LMTK3: variants seen among roughly 807,000 people sequenced by gnomAD.
The protein encoded by LMTK3 is serine/threonine-protein kinase LMTK3.
A neutral mutation model predicts 116.7 loss-of-function variants in LMTK3; 27 were observed. The ratio of observed to expected loss-of-function variants is 0.23; its 90% CI spans 0.17 to 0.32. LMTK3 has a LOEUF of 0.32. Ranked by LOEUF, LMTK3 falls within the 10% of genes least tolerant of loss-of-function variation. The pLI is 1.00. For synonymous variants in LMTK3, 965 were observed against 971.0 expected, an observed-to-expected ratio of 0.99 and a Z score of 0.11; for missense variants, 1,764 against 2,068.5, an observed-to-expected ratio of 0.85 and a Z score of 2.86.
Position 48,498,968 on chromosome 19 carries a change from G to T in LMTK3, c.2101C>A (p.Pro701Thr). The change falls in exon 11 of 15, where the codon CCC becomes ACC. Residue 701 changes from proline (P) to threonine (T), a missense_variant. Pro to Thr is a conservative substitution (Grantham distance 38). Around this residue, in one of 7 missense-constraint regions of LMTK3, gnomAD observed 1,028 missense variants for 1,050.6 expected, o/e 0.98. Coordinates refer to ENST00000600059, the MANE Select transcript of LMTK3 (RefSeq NM_001388485.1). ...GWGGHPALGC[P>T]HPPEDDSSLR... ...GAGGAGTCGTCCTCGGGGGGGTGGG[G>T]GCAGCCAAGAGCAGGGTGGCCTCCC... 2 of 1,337,964 alleles carry T rather than the reference G, an allele frequency of 1.5e-6. No individual in the cohort carries two copies. Among genetic ancestry groups the T allele is most frequent in the Non-Finnish European group, 1.9e-6 (2 of 1,046,738 alleles). 82.9% of individuals were successfully genotyped at this position (1,337,964 alleles called of 1,614,324 possible). A position where few individuals can be genotyped will look rare whatever the true frequency, so the allele number is the denominator to read the frequency against.
In LMTK3 at chr19:48,502,353, C is replaced by G. The variant is rs188690981; in HGVS notation, c.794+80G>C. ...GTCAGCCAGTCATGGGTCCGCCCCCCCTCTAGCCCCTCCCCTGAGGCCTCA... is the reference window on the plus strand; with the variant it reads ...GTCAGCCAGTCATGGGTCCGCCCCCGCTCTAGCCCCTCCCCTGAGGCCTCA... On this transcript the variant is annotated intron_variant, in intron 7 of 14. Coordinates refer to ENST00000600059, the MANE Select transcript of LMTK3 (RefSeq NM_001388485.1). 1.2e-3 allele frequency: 1,839 copies of G among 1,493,536 alleles called. 33 individuals carry two copies. In the African/African-American group the frequency reaches 0.023, roughly 19 times the overall value. 92.5% of individuals were successfully genotyped at this position (1,493,536 alleles called of 1,614,324 possible).
At chr19:48,489,557 G>C (rs1246499663) in intron 14 of LMTK3, among the ~76,000 whole-genome samples, 1 of 152,178 alleles carries the variant, frequency 6.6e-6, no homozygotes, top group Non-Finnish European at 1.5e-5. Context: ...TGGGCGACGA[G>C]CAAAACTCCG....
chr19:48,510,252 T>G (rs1263886250), intron 2 of LMTK3, 79 bp from the exon 3 acceptor site: 17 of 1,515,382 alleles, frequency 1.1e-5, no homozygotes, highest in Non-Finnish European at 1.5e-5. Flanking sequence ...TAAGTTTGTC[T>G]CCCCTTCATT....
intron 12 of LMTK3, 69 bp downstream of exon 12, chr19:48,493,625 C>G: frequency 6.7e-7 from 1 of 1,502,922 alleles, no homozygotes; most frequent in Non-Finnish European, 8.9e-7. Flanking sequence ...CCGCCAGGCC[C>G]TTCCCGGCTC....
At position 48,499,661 on chromosome 19, in the gene LMTK3, C is replaced by G. The variant is rs1055994593; in HGVS notation, c.1408G>C (p.Glu470Gln). 2 of 1,538,830 alleles carry G rather than the reference C, an allele frequency of 1.3e-6. No homozygotes were observed. Among genetic ancestry groups the G allele is most frequent in the Non-Finnish European group, 1.8e-6 (2 of 1,141,806 alleles). ...TCGAGGTTGAGGCCGCGGCTACTCT[C>G]GGTGACCGTGAGCACATCGTCGGGG... ...ADPDDVLTVT[E>Q]SSRGLNLECL... The change falls in exon 11 of 15, where the codon GAG becomes CAG. Residue 470 changes from glutamate (E) to glutamine (Q), a missense_variant. By Grantham distance (29) the Glu-to-Gln change is conservative. Around this residue, in one of 7 missense-constraint regions of LMTK3, gnomAD observed 16 missense variants for 36.7 expected, o/e 0.44. Transcript: ENST00000600059.
chr19:48,485,837 G>T, intron 14 of LMTK3, 48 bp from the exon 15 acceptor site: 2 of 1,577,782 alleles, frequency 1.3e-6, no homozygotes, highest in Non-Finnish European at 8.6e-7. Context: ...TAGGGGGACA[G>T]CCTCATGGCT....
rs373501320 is a variant in LMTK3, at chr19:48,491,039, A to G, written c.4366+69T>C. 3.5e-5 allele frequency: 36 copies of G among 1,023,538 alleles called. No individual in the cohort carries two copies. The South Asian group carries it at 1.1e-3, about 30-fold the overall frequency. The allele number at this position is 1,023,538 out of a possible 1,614,324, so 63.4% of individuals were successfully genotyped here. A position where few individuals can be genotyped will look rare whatever the true frequency, so the allele number is the denominator to read the frequency against. ...GCAGGGACATTGAAAGATGGTCACA[A>G]GAAGTTGGCAGTGGAACATAGGGGG... is the stretch of plus-strand genomic sequence containing the variant. On this transcript the variant is annotated intron_variant, in intron 14 of 14. Coordinates refer to ENST00000600059, the MANE Select transcript of LMTK3 (RefSeq NM_001388485.1). The surrounding 1 kb of genome is among the most constrained non-coding windows in gnomAD (Gnocchi z 5.1).
chr19:48,509,137 G>A (rs1156706000), intron 4 of LMTK3, among the ~76,000 whole-genome samples, 168 bp from the exon 5 acceptor site: 1 of 152,168 alleles, frequency 6.6e-6, no homozygotes, highest in Non-Finnish European at 1.5e-5. Context: ...ACACTCACGG[G>A]CCCAGAATCC....
At chr19:48,503,875 C>T (rs1972518122) in intron 5 of LMTK3, among the ~76,000 whole-genome samples, 1 of 151,202 alleles carries the variant, frequency 6.6e-6, no homozygotes, top group Non-Finnish European at 1.5e-5. Flanking sequence ...CCCTCCCTTC[C>T]TTCCTCTTTG....
chr19:48,485,828 A>AG, intron 14 of LMTK3, 39 bp from the exon 15 acceptor site: 2 of 1,593,206 alleles, frequency 1.3e-6, no homozygotes, highest in Non-Finnish European at 1.7e-6. Flanking sequence ...TGAAATTACT[A>AG]GGGGGACAGC....
chr19:48,496,124 G>GTTTTTTT (rs753457988), intron 11 of LMTK3, among the ~76,000 whole-genome samples: 3 of 152,008 alleles, frequency 2.0e-5, no homozygotes, highest in African/African-American at 4.8e-5. Context: ...GTTTTGTTTT[G>GTTTTTTT]TTTGAGACAG....
chr19:48,490,520 G>A, intron 14 of LMTK3, among the ~76,000 whole-genome samples: 1 of 106,466 alleles, frequency 9.4e-6, no homozygotes, highest in Admixed American at 1.1e-4. Context: ...GCGAGACTCC[G>A]TCTCAAAAAA....
Position 48,499,736 on chromosome 19 carries a change from C to T in LMTK3, c.1333G>A (p.Gly445Arg). 1 of 1,515,840 alleles carries T rather than the reference C, an allele frequency of 6.6e-7. No individual in the cohort carries two copies. The highest frequency in any genetic ancestry group is 1.4e-5 in the African/African-American group (1 of 71,234). The allele number at this position is 1,515,840 out of a possible 1,614,324, so 93.9% of individuals were successfully genotyped here. The change falls in exon 11 of 15, where the codon GGG (glycine) becomes AGG (arginine). Residue 445 changes from glycine (G) to arginine (R), a missense_variant. Gly to Arg is a moderately radical substitution (Grantham distance 125). Transcript: ENST00000600059. ...AGGGGGAACGGTGAGGAGAGGGTCCCCGGGCGGGGCGCACTGTGTGCAGGG... is the reference window on the plus strand; with the variant it reads ...AGGGGGAACGGTGAGGAGAGGGTCCTCGGGCGGGGCGCACTGTGTGCAGGG... ...WPPAHSAPRP[G>R]TLSSPFPLLD...
rs776566882 is a variant in LMTK3, at chr19:48,502,471, G to A, written c.756C>T (p.Arg252=). ...TLQRMGLEIA[R]GLAHLHSHNY... ...TGTGGGAATGCAGGTGCGCCAGCCC[G>A]CGGGCGATCTCCAGGCCCATCCTCT... The change falls in exon 7 of 15, where the codon CGC becomes CGT. Residue 252 remains arginine (R), a synonymous_variant. Coordinates refer to ENST00000600059, the MANE Select transcript of LMTK3 (RefSeq NM_001388485.1). The A allele has an allele frequency of 1.8e-5, 29 of 1,610,834 alleles. No homozygotes were observed. The highest frequency in any genetic ancestry group is 2.5e-5 in the Non-Finnish European group (29 of 1,179,046).
At chr19:48,509,591 G>T in intron 3 of LMTK3, 78 bp from the exon 4 acceptor site, 1 of 1,181,034 alleles carries the variant, frequency 8.5e-7, no homozygotes, top group Non-Finnish European at 1.2e-6. Context: ...GGTCAGTGGG[G>T]ACTGAGACAG....
chr19:48,491,362 C>CA lies in LMTK3; in HGVS notation c.4228+41dup. The CA allele has an allele frequency of 7.4e-7, 1 of 1,354,702 alleles. No homozygotes were observed. Among genetic ancestry groups the CA allele is most frequent in the South Asian group, 1.8e-5 (1 of 56,660 alleles). 83.9% of individuals were successfully genotyped at this position (1,354,702 alleles called of 1,614,324 possible). A position where few individuals can be genotyped will look rare whatever the true frequency, so the allele number is the denominator to read the frequency against. ...CCCATAGACCCCGCCCCGTCCGCCCCATGGCTCCCGCCCCCTCCCGCCCCA... is the reference window on the plus strand; with the variant it reads ...CCCATAGACCCCGCCCCGTCCGCCCCAATGGCTCCCGCCCCCTCCCGCCCCA... On this transcript the variant is annotated intron_variant, in intron 13 of 14. Transcript: ENST00000600059. This position sits in a 1 kb window ranked among gnomAD's most constrained non-coding sequence, Gnocchi z 5.1.
chr19:48,507,252 G>T (rs1474855298), intron 5 of LMTK3, among the ~76,000 whole-genome samples: 1 of 152,218 alleles, frequency 6.6e-6, no homozygotes, highest in Non-Finnish European at 1.5e-5. Flanking sequence ...AACGTGCTAG[G>T]CAGGATGATG....
In LMTK3 at chr19:48,491,049, A is replaced by G. The variant is rs1972211895; in HGVS notation, c.4366+59T>C. On this transcript the variant is annotated intron_variant, in intron 14 of 14. Transcript: ENST00000600059. The surrounding 1 kb of genome is among the most constrained non-coding windows in gnomAD (Gnocchi z 5.1). ...TGAAAGATGGTCACAAGAAGTTGGC[A>G]GTGGAACATAGGGGGACAGAGATGG... 1.8e-6 allele frequency: 2 copies of G among 1,139,926 alleles called. No homozygotes were observed. The highest frequency in any genetic ancestry group is 2.3e-6 in the Non-Finnish European group (2 of 885,374). The allele number at this position is 1,139,926 out of a possible 1,614,324, so 70.6% of individuals were successfully genotyped here.
chr19:48,487,745 C>T (rs1972151071), intron 14 of LMTK3, among the ~76,000 whole-genome samples: 1 of 152,078 alleles, frequency 6.6e-6, no homozygotes, highest in Admixed American at 6.5e-5. Flanking sequence ...CGTTGGGGGC[C>T]TCATATCAGG....
Sources: allele counts gnomAD v4.1 joint callset (sites outside exome capture counted in the v4.1 genomes callset), GRCh38; gene constraint gnomAD v4.1.1; regional missense constraint gnomAD v4.1.1; non-coding constraint Gnocchi (gnomAD v3.1); transcripts MANE v1.5; gene names NCBI Gene and HGNC (gene_info 2026-07-23, HGNC 2026-07-21).